The following GNRHR variants were observed in gnomAD, a reference collection of about 807,000 sequenced individuals.
GNRHR encodes gonadotropin releasing hormone receptor.
In GNRHR, 14 loss-of-function variants were observed where a neutral mutation model predicts 28.1. The observed-to-expected ratio is 0.50, with a 90% CI of 0.33 to 0.78. The LOEUF is 0.78. Ranked by LOEUF, GNRHR falls within the 30% of genes least tolerant of loss-of-function variation. The probability of loss-of-function intolerance (pLI) is 0.02; values close to 1 mark genes in which losing one functional copy is unlikely to be tolerated. For synonymous variants in GNRHR, 141 were observed against 140.5 expected (o/e 1.00, Z -0.02); for missense variants, 366 against 382.1 (o/e 0.96, Z 0.35).
At chr4:67,747,714 G>C (rs1731781028) in intron 1 of GNRHR, among the ~76,000 whole-genome samples, 1 of 152,060 alleles carries the variant, frequency 6.6e-6, no homozygotes, top group African/African-American at 2.4e-5. Context: ...TTTAACACAT[G>C]CTTATTTTTT....
chr4:67,754,269 G>C lies in GNRHR; in HGVS notation c.67C>G (p.Leu23Val), dbSNP rs748908845. 1.9e-6 allele frequency: 3 copies of C among 1,612,536 alleles called. No homozygotes were observed. The South Asian group carries it at 3.3e-5, about 18-fold the overall frequency. ...AGAGTGGGGAGGTTGCCCTGCATCA[G>C]TGGGATGCTGTTGTTGATGGCTGAA... ...HCSAINNSIP[L>V]MQGNLPTLTL... Residue 23 changes from leucine (L) to valine (V), a missense_variant, in exon 1 of 3, where the codon CTG becomes GTG. Coordinates refer to ENST00000226413, the MANE Select transcript of GNRHR (RefSeq NM_000406.3).
At position 67,744,793 on chromosome 4, in the gene GNRHR, T is replaced by C. The variant is rs1410460139; in HGVS notation, c.523-6A>G. 26 of 1,474,504 alleles carry C rather than the reference T, an allele frequency of 1.8e-5. No individual in the cohort carries two copies. The highest frequency in any genetic ancestry group is 2.4e-5 in the Non-Finnish European group (25 of 1,052,760). 91.3% of individuals were successfully genotyped at this position (1,474,504 alleles called of 1,614,324 possible). On this transcript the variant is annotated splice_polypyrimidine_tract_variant and splice_region_variant and intron_variant, in intron 1 of 2. Transcript: ENST00000226413. ...ATCATCCTGAAGATGTATAACTGTA[T>C]GAGACAATAAAAAGCTATGTTACTT...
rs1731609323 is a variant in GNRHR at position 67,739,175 on chromosome 4, T to C, written c.*1305A>G. ...GGGTATTATACTCCCATTATTTTCA[T>C]CCCTTTCCATTTTTCATGGAAGAGG... On this transcript the variant is annotated 3_prime_UTR_variant, in exon 3 of 3. Coordinates refer to ENST00000226413, the MANE Select transcript of GNRHR (RefSeq NM_000406.3). Among the ~76,000 whole-genome samples the C allele has an allele frequency of 6.6e-6, 1 of 152,024 alleles. No individual in the cohort carries two copies. Among genetic ancestry groups the C allele is most frequent in the Non-Finnish European group, 1.5e-5 (1 of 67,900 alleles).
chr4:67,740,698 T>G lies in GNRHR; in HGVS notation c.769A>C (p.Asn257His), dbSNP rs1230143523. The G allele has an allele frequency of 2.5e-6, 4 of 1,608,096 alleles. No homozygotes were observed. The highest frequency in any genetic ancestry group is 3.4e-6 in the Non-Finnish European group (4 of 1,174,616). Residue 257 changes from asparagine to histidine, a missense_variant, in exon 3 of 3, where the codon AAT (asparagine) becomes CAT (histidine). Asn to His is a moderately conservative substitution (Grantham distance 68). Coordinates refer to ENST00000226413, the MANE Select transcript of GNRHR (RefSeq NM_000406.3). Reference sequence around the variant, plus strand: ...GTCTTCAGCCGTGCTCTTGGTATATTGTTCTTGGACTGATTCAGTTGTAGT... The same window carrying G: ...GTCTTCAGCCGTGCTCTTGGTATATGGTTCTTGGACTGATTCAGTTGTAGT... ...HELQLNQSKN[N>H]IPRARLKTLK... is the part of the protein sequence containing the mutation.
At chr4:67,745,224 T>A (rs1731733450) in intron 1 of GNRHR, among the ~76,000 whole-genome samples, 1 of 151,426 alleles carries the variant, frequency 6.6e-6, no homozygotes, top group African/African-American at 2.4e-5. Flanking sequence ...AATGACATTT[T>A]AAAAAATGGT....
chr4:67,745,809 T>A (rs1731743467), intron 1 of GNRHR, among the ~76,000 whole-genome samples: 1 of 152,134 alleles, frequency 6.6e-6, no homozygotes. Flanking sequence ...ATCACTAATT[T>A]GGTATTTTTG....
intron 1 of GNRHR, among the ~76,000 whole-genome samples, chr4:67,752,166 TCCATTTGGG>T (rs1731880897): frequency 6.6e-6 from 1 of 151,952 alleles, no homozygotes; most frequent in Non-Finnish European, 1.5e-5. Context: ...TTTATTCCAC[TCCATTTGGG>T]CCATTTGGGC....
chr4:67,743,795 C>T (rs994133804), intron 2 of GNRHR, among the ~76,000 whole-genome samples: 8 of 152,020 alleles, frequency 5.3e-5, no homozygotes, highest in African/African-American at 1.7e-4. Flanking sequence ...ATATTAAATA[C>T]CATTTTGTGC....
chr4:67,746,082 G>T (rs1384857849), intron 1 of GNRHR, among the ~76,000 whole-genome samples: 1 of 151,938 alleles, frequency 6.6e-6, no homozygotes, highest in Non-Finnish European at 1.5e-5. Context: ...ATTAAATAGT[G>T]GTATTGTATC....
chr4:67,738,683 T>C lies in GNRHR; in HGVS notation c.*1797A>G, dbSNP rs989136388. 4.6e-5 allele frequency among the ~76,000 whole-genome samples: 7 copies of C among 152,076 alleles called. No homozygotes were observed. Among genetic ancestry groups the C allele is most frequent in the African/African-American group, 1.7e-4 (7 of 41,456 alleles). On this transcript the variant is annotated 3_prime_UTR_variant, in exon 3 of 3. Coordinates refer to ENST00000226413, the MANE Select transcript of GNRHR (RefSeq NM_000406.3). ...TTTTGTTTCAACTTATCTACATCCCTGTGTTATCTACAAGAACTATAAAAT... is the reference window on the plus strand; with the variant it reads ...TTTTGTTTCAACTTATCTACATCCCCGTGTTATCTACAAGAACTATAAAAT...
At chr4:67,741,070 G>T (rs952393926) in intron 2 of GNRHR, among the ~76,000 whole-genome samples, 5 of 151,692 alleles carry the variant, frequency 3.3e-5, no homozygotes, top group South Asian at 2.1e-4. Flanking sequence ...ATTTTAATAG[G>T]TTTTTTTGGG....
rs1270433470 is a variant in GNRHR at position 67,753,096 on chromosome 4, G to A, written c.522+718C>T. Among the ~76,000 whole-genome samples, 4 of 152,304 alleles carry A rather than the reference G, an allele frequency of 2.6e-5. 1 individual carries two copies. The highest frequency in any genetic ancestry group is 2.6e-4 in the Admixed American group (4 of 15,294). On this transcript the variant is annotated intron_variant, in intron 1 of 2. Transcript: ENST00000226413. The stretch of plus-strand genomic sequence containing the variant: ...AGGCTGCTTCTGGTGAAGGCAACCT[G>A]GAAAGATAATTGCCCTCTGTGGGGA...
intron 1 of GNRHR, among the ~76,000 whole-genome samples, chr4:67,752,652 GA>G (rs35999209): frequency 0.091 from 13,914 of 152,150 alleles, 754 homozygotes; most frequent in African/African-American, 0.12. Flanking sequence ...TTTTTCTTCA[GA>G]AAATGAAAAC....
intron 2 of GNRHR, among the ~76,000 whole-genome samples, chr4:67,743,109 C>T (rs752305809): frequency 6.6e-6 from 1 of 152,196 alleles, no homozygotes. Flanking sequence ...TGTGCCACCA[C>T]ACCCGGCTAA....
intron 2 of GNRHR, among the ~76,000 whole-genome samples, chr4:67,742,864 T>TAAAA (rs142216407): frequency 0.021 from 3,228 of 152,332 alleles, 74 homozygotes; most frequent in East Asian, 0.11. Context: ...AATATTAAAG[T>TAAAA]AATTTATTAA....
intron 1 of GNRHR, chr4:67,753,574 C>T: frequency 1.9e-6 from 1 of 525,768 alleles, no homozygotes; most frequent in South Asian, 2.6e-5. Context: ...ATCACAAAAG[C>T]AGTATTAAGT....
In GNRHR at chr4:67,753,932, A is replaced by T. The variant is rs1428587227; in HGVS notation, c.404T>A (p.Ile135Asn). 6.2e-7 allele frequency: 1 copy of T among 1,614,032 alleles called. No homozygotes were observed. The highest frequency in any genetic ancestry group is 1.7e-5 in the Admixed American group (1 of 59,974). The change falls in exon 1 of 3, where the codon ATC becomes AAC. Residue 135 changes from isoleucine to asparagine, a missense_variant. Transcript: ENST00000226413. ...GATAGCCAGGGAGCGGTCCAGGCTG[A>T]TCACCACCATCATGAAGGCTGGGGC... is the stretch of plus-strand genomic sequence containing the variant. Reference protein sequence around the residue: ...MYAPAFMMVVISLDRSLAITR... With the variant: ...MYAPAFMMVVNSLDRSLAITR...
At position 67,751,216 on chromosome 4, in the gene GNRHR, A is replaced by G. The variant is rs140649764; in HGVS notation, c.522+2598T>C. 4.2e-3 allele frequency among the ~76,000 whole-genome samples: 645 copies of G among 152,328 alleles called. 5 individuals are homozygous for G. Among genetic ancestry groups the G allele is most frequent in the African/African-American group, 0.015 (608 of 41,580 alleles). ...GTGAGAGAAAGAGACAGAGACACAA[A>G]CAAGGTTTCAGTGTAGTGTGTATTT... is the stretch of plus-strand genomic sequence containing the variant. On this transcript the variant is annotated intron_variant, in intron 1 of 2. Coordinates refer to ENST00000226413, the MANE Select transcript of GNRHR (RefSeq NM_000406.3).
Position 67,738,723 on chromosome 4 carries a change from A to G in GNRHR, c.*1757T>C, listed in dbSNP as rs1731598461. The stretch of plus-strand genomic sequence containing the variant: ...AACTATAAAATCTTGGAATGGGTTT[A>G]TGTGCCAACTTGAGCATTTTAGCAC... On this transcript the variant is annotated 3_prime_UTR_variant, in exon 3 of 3. Transcript: ENST00000226413. Among the ~76,000 whole-genome samples the G allele has an allele frequency of 6.6e-6, 1 of 152,042 alleles. No individual in the cohort carries two copies. The highest frequency in any genetic ancestry group is 1.5e-5 in the Non-Finnish European group (1 of 67,912).
Sources: allele counts gnomAD v4.1 joint callset (sites outside exome capture counted in the v4.1 genomes callset), GRCh38; gene constraint gnomAD v4.1.1; transcripts MANE v1.5; gene names NCBI Gene and HGNC (gene_info 2026-07-23, HGNC 2026-07-21).